The following ZBED6 variants were observed in gnomAD, a reference collection of about 807,000 sequenced individuals.
ZBED6 encodes zinc finger BED domain-containing protein 6.
ZBED6 carries 40 observed loss-of-function variants against 58.4 expected under a neutral mutation model. The observed-to-expected ratio is 0.68, with a 90% confidence interval of 0.53 to 0.89. The LOEUF is 0.89. Among genes scored for constraint, ZBED6 ranks in the 40% least tolerant of loss-of-function variants. The pLI is 0.00. For synonymous variants in ZBED6, 439 were observed against 350.6 expected, an observed-to-expected ratio of 1.25 and a Z score of -2.82; for missense variants, 1,057 against 1,003.9, an observed-to-expected ratio of 1.05 and a Z score of -0.71.
exon 1 of ZBED6, chr1:203,800,172 C>T (rs1282905922): frequency 6.5e-7 from 1 of 1,530,432 alleles, no homozygotes; most frequent in Non-Finnish European, 8.8e-7. Context: ...AGGTGATGAC[C>T]CTTTAATTTA....
chr1:203,821,299 GAGTT>G, intron 3 of ZBED6, among the ~76,000 whole-genome samples: 1 of 152,042 alleles, frequency 6.6e-6, no homozygotes, highest in East Asian at 1.9e-4. Flanking sequence ...GCAGAACTGT[GAGTT>G]AGTTAAACCT....
rs763993670 is a variant in ZBED6, at chr1:203,829,499, G to C, written c.*3046G>C. 30 of 1,613,858 alleles carry C rather than the reference G, an allele frequency of 1.9e-5. No individual in the cohort carries two copies. The highest frequency in any genetic ancestry group is 1.4e-5 in the Non-Finnish European group (16 of 1,179,916). ...TCACCAGAAGAGGAAGTGAAGGCTA[G>C]CCAACTTTCAGTTCAGCAGAACAAA... On this transcript the variant is annotated 3_prime_UTR_variant, in exon 5 of 17. Transcript: ENST00000550078.
At chr1:203,836,398 T>C (rs1180750206) in intron 9 of ZBED6, among the ~76,000 whole-genome samples, 1 of 152,090 alleles carries the variant, frequency 6.6e-6, no homozygotes, top group Admixed American at 6.5e-5. Context: ...AGTCAAGTAA[T>C]CTAAAAAACC....
exon 14 of ZBED6, chr1:203,849,726 A>T: frequency 1.2e-6 from 2 of 1,613,990 alleles, no homozygotes; most frequent in Non-Finnish European, 1.7e-6. Context: ...AGGTGAGACC[A>T]CAGGAGTTGA....
chr1:203,805,895 G>T, intron 1 of ZBED6: 2 of 722,964 alleles, frequency 2.8e-6, no homozygotes, highest in Admixed American at 1.8e-5. Flanking sequence ...TTCTCAATCT[G>T]GTCAGTTTTC....
At chr1:203,851,328 GTTTT>G (rs1215266195) in intron 16 of ZBED6, among the ~76,000 whole-genome samples, 1 of 151,962 alleles carries the variant, frequency 6.6e-6, no homozygotes, top group Admixed American at 6.6e-5. Context: ...CCTAAAAGAT[GTTTT>G]TTTGTTTTTT....
exon 1 of ZBED6, chr1:203,798,948 C>A: frequency 6.5e-7 from 1 of 1,536,040 alleles, no homozygotes; most frequent in East Asian, 2.4e-5. Context: ...AGAGAATGTT[C>A]AAAGCCAAAA....
chr1:203,813,987 A>G (rs1465515409), intron 1 of ZBED6, among the ~76,000 whole-genome samples: 1 of 149,766 alleles, frequency 6.7e-6, no homozygotes, highest in African/African-American at 2.5e-5. Context: ...TTTTTTTGCA[A>G]TATGGATAGA....
intron 7 of ZBED6, 43 bp downstream of exon 7, chr1:203,830,246 G>A: frequency 6.8e-7 from 1 of 1,462,080 alleles, no homozygotes; most frequent in Non-Finnish European, 9.4e-7. Flanking sequence ...ATGTTGCTAG[G>A]GAAGAATACT....
intron 3 of ZBED6, among the ~76,000 whole-genome samples, chr1:203,821,439 CCGAT>C: frequency 6.6e-6 from 1 of 152,182 alleles, no homozygotes; most frequent in South Asian, 2.1e-4. Context: ...CTTTTATGCT[CCGAT>C]TGACCCAGAT....
intron 1 of ZBED6, among the ~76,000 whole-genome samples, chr1:203,815,968 A>G (rs1248376531): frequency 1.3e-5 from 2 of 152,196 alleles, no homozygotes; most frequent in African/African-American, 4.8e-5. Context: ...TGGAATCACT[A>G]TTATGGAAAG....
At chr1:203,830,185 A>G in exon 7 of ZBED6, 1 of 1,601,636 alleles carries the variant, frequency 6.2e-7, no homozygotes, top group Non-Finnish European at 8.5e-7. Context: ...AATGAAGGAA[A>G]AATCTAAGAA....
In ZBED6 at chr1:203,818,560, T is replaced by G; in HGVS notation, c.*2754-10T>G. Reference sequence around the variant, plus strand: ...ATGCTACAAATAGAGTGTTCTCTATTTGTTTACAGGGTGACAGCTGCCCAT... The same window carrying G: ...ATGCTACAAATAGAGTGTTCTCTATGTGTTTACAGGGTGACAGCTGCCCAT... On this transcript the variant is annotated splice_polypyrimidine_tract_variant and intron_variant, in intron 2 of 16. Coordinates refer to ENST00000550078, the Ensembl canonical transcript of ZBED6. 1 of 1,613,956 alleles carries G rather than the reference T, an allele frequency of 6.2e-7. No homozygotes were observed. Among genetic ancestry groups the G allele is most frequent in the Non-Finnish European group, 8.5e-7 (1 of 1,179,906 alleles).
intron 1 of ZBED6, among the ~76,000 whole-genome samples, chr1:203,814,288 C>G (rs923780754): frequency 7.2e-5 from 11 of 152,196 alleles, no homozygotes; most frequent in African/African-American, 2.7e-4. Flanking sequence ...CTTTGGGAGG[C>G]TGAGGTGGGA....
intron 2 of ZBED6, among the ~76,000 whole-genome samples, chr1:203,817,450 A>G (rs1572058152): frequency 6.7e-6 from 1 of 150,134 alleles, no homozygotes; most frequent in East Asian, 1.9e-4. Context: ...CTTTGATTTT[A>G]TATACTTCAT....
At chr1:203,808,307 A>G (rs1673071801) in intron 1 of ZBED6, among the ~76,000 whole-genome samples, 1 of 152,170 alleles carries the variant, frequency 6.6e-6, no homozygotes, top group East Asian at 1.9e-4. Context: ...GAAGTCTAAT[A>G]ATGTCAAGTC....
intron 13 of ZBED6, 37 bp downstream of exon 13, chr1:203,848,444 A>G (rs771142542): frequency 1.3e-6 from 2 of 1,514,112 alleles, no homozygotes; most frequent in Non-Finnish European, 9.1e-7. Context: ...TGTTCATGGC[A>G]AACAAAGGCT....
At chr1:203,811,978 G>T (rs1674637772) in intron 1 of ZBED6, among the ~76,000 whole-genome samples, 1 of 151,642 alleles carries the variant, frequency 6.6e-6, no homozygotes, top group South Asian at 2.1e-4. Context: ...ACCATGCTTG[G>T]CTAATTTTTA....
At chr1:203,848,224 A>T in intron 12 of ZBED6, 107 bp from the exon 13 acceptor site, 1 of 914,948 alleles carries the variant, frequency 1.1e-6, no homozygotes, top group Non-Finnish European at 1.7e-6. Flanking sequence ...CTGTAATTTT[A>T]TTTGTCCTGT....
Sources: gnomAD v4.1 joint callset for allele counts (sites outside exome capture counted in the v4.1 genomes callset) on GRCh38, gnomAD v4.1.1 for gene constraint, MANE v1.5 for transcripts, NCBI Gene and HGNC (gene_info 2026-07-23, HGNC 2026-07-21) for gene names.